Variants in FOXO3 observed in about 807,000 individuals in gnomAD.
FOXO3 encodes the protein forkhead box protein O3.
A neutral mutation model predicts 41.9 loss-of-function variants in FOXO3; 4 were observed. The ratio of observed to expected loss-of-function variants is 0.10; its 90% CI spans 0.05 to 0.22. The LOEUF (loss-of-function observed/expected upper bound fraction) is 0.22. FOXO3 is among the 10% of genes least tolerant of loss of function. FOXO3 has a pLI of 1.00. For synonymous variants in FOXO3, 318 were observed against 389.3 expected (o/e 0.82, Z 2.16); for missense variants, 534 against 906.8 (o/e 0.59, Z 5.28).
At position 108,682,458 on chromosome 6, in the gene FOXO3, C is replaced by G. The variant is rs1770899301; in HGVS notation, c.*2666C>G. ...GTAGAGTGTTGTGGAGAGCTGAGAC[C>G]AGGGTAAAGTCAAGTGCAGCATCAG... On this transcript the variant is annotated 3_prime_UTR_variant, in exon 3 of 3. Transcript: ENST00000406360. 6.6e-6 allele frequency: 1 copy of G among 152,242 alleles called. No homozygotes were observed. The highest frequency in any genetic ancestry group is 2.1e-4 in the South Asian group (1 of 4,832). The allele number at this position is 152,242 out of a possible 1,614,324, so 9.4% of individuals were successfully genotyped here.
intron 1 of FOXO3, among the ~76,000 whole-genome samples, chr6:108,572,797 A>G (rs1426917095): frequency 6.6e-6 from 1 of 152,148 alleles, no homozygotes; most frequent in Non-Finnish European, 1.5e-5. Flanking sequence ...TAGGTTTTTT[A>G]TGTCTAATAT....
chr6:108,665,491 A>G (rs1014940513), intron 2 of FOXO3, among the ~76,000 whole-genome samples: 1 of 152,190 alleles, frequency 6.6e-6, no homozygotes, highest in African/African-American at 2.4e-5. Context: ...CTTAGTACTA[A>G]GCATCTTTAT....
chr6:108,577,725 T>C (rs1776300195), intron 1 of FOXO3, among the ~76,000 whole-genome samples: 1 of 152,244 alleles, frequency 6.6e-6, no homozygotes, highest in African/African-American at 2.4e-5. Flanking sequence ...GTGGAAGTTA[T>C]CAGCTATTTT....
intron 1 of FOXO3, among the ~76,000 whole-genome samples, chr6:108,586,164 G>A (rs893031153): frequency 3.3e-5 from 5 of 152,222 alleles, no homozygotes; most frequent in African/African-American, 1.2e-4. Context: ...AGTATTAAGA[G>A]ATGAAGCCTG....
chr6:108,652,121 C>CTCAAGCCACA (rs1184946947), intron 1 of FOXO3, among the ~76,000 whole-genome samples: 2 of 152,210 alleles, frequency 1.3e-5, no homozygotes, highest in African/African-American at 4.8e-5. Flanking sequence ...GTGATATTGG[C>CTCAAGCCACA]TTGACGTAGT....
rs1777085352 is a variant in FOXO3 at position 108,602,665 on chromosome 6, A to T, written c.621+40836A>T. 2.0e-5 allele frequency among the ~76,000 whole-genome samples: 3 copies of T among 152,350 alleles called. No homozygotes were observed. In the East Asian group the frequency reaches 5.8e-4, roughly 29 times the overall value. On this transcript the variant is annotated intron_variant, in intron 1 of 2. Transcript: ENST00000406360. ...TAGCATTAAAACCAAACCAAAAAAA[A>T]AAACCTTTTATTATTAACAAAGGTT...
intron 1 of FOXO3, among the ~76,000 whole-genome samples, chr6:108,590,838 G>A (rs536151810): frequency 6.6e-6 from 1 of 152,174 alleles, no homozygotes; most frequent in Non-Finnish European, 1.5e-5. Flanking sequence ...TTAGTATTGG[G>A]ATTGTGGCGC....
At chr6:108,629,474 G>C (rs1298431024) in intron 1 of FOXO3, among the ~76,000 whole-genome samples, 1 of 152,042 alleles carries the variant, frequency 6.6e-6, no homozygotes, top group Non-Finnish European at 1.5e-5. Context: ...GAGGTTTTTT[G>C]TTTGCTATTT....
At chr6:108,562,995 AT>A (rs397941170) in intron 1 of FOXO3, among the ~76,000 whole-genome samples, 2,454 of 151,478 alleles carry the variant, frequency 0.016, 66 homozygotes, top group African/African-American at 0.056. Context: ...TTTAGCTTAG[AT>A]TTTTTTTTGT....
At chr6:108,586,759 G>T (rs1776589454) in intron 1 of FOXO3, among the ~76,000 whole-genome samples, 1 of 151,898 alleles carries the variant, frequency 6.6e-6, no homozygotes, top group Non-Finnish European at 1.5e-5. Context: ...AGACCAGGGG[G>T]CTGGTATGTA....
chr6:108,633,218 TATAA>T (rs1338252601), intron 1 of FOXO3, among the ~76,000 whole-genome samples: 1 of 152,156 alleles, frequency 6.6e-6, no homozygotes, highest in African/African-American at 2.4e-5. Flanking sequence ...TATTCTCATT[TATAA>T]ATTAGAAGTA....
intron 1 of FOXO3, among the ~76,000 whole-genome samples, chr6:108,636,371 T>C (rs1778120913): frequency 1.3e-5 from 2 of 152,112 alleles, no homozygotes; most frequent in Non-Finnish European, 2.9e-5. Flanking sequence ...GAGATCACTG[T>C]TTCGTATGCT....
chr6:108,647,754 A>G (rs977424621), intron 1 of FOXO3, among the ~76,000 whole-genome samples: 4 of 152,156 alleles, frequency 2.6e-5, no homozygotes, highest in Admixed American at 2.0e-4. Flanking sequence ...GAAAATACCA[A>G]TTTCCTCTTT....
intron 1 of FOXO3, among the ~76,000 whole-genome samples, chr6:108,603,870 C>T (rs1777119185): frequency 6.6e-6 from 1 of 152,012 alleles, no homozygotes; most frequent in Non-Finnish European, 1.5e-5. Flanking sequence ...ATAAAAATTT[C>T]CCAGCATGGT....
Position 108,613,464 on chromosome 6 carries a change from G to A in FOXO3, c.622-49991G>A, listed in dbSNP as rs181016707. On this transcript the variant is annotated intron_variant, in intron 1 of 2. Transcript: ENST00000406360. ...CTTCTTGAATGAGTTTTGGTAGTCT[G>A]TGTCTTTTAAGGAATTTGCCCATTT... Among the ~76,000 whole-genome samples, 441 of 152,226 alleles carry A rather than the reference G, an allele frequency of 2.9e-3. 10 individuals are homozygous for A. Among genetic ancestry groups the A allele is most frequent in the East Asian group, 3.3e-3 (17 of 5,184 alleles).
intron 1 of FOXO3, among the ~76,000 whole-genome samples, chr6:108,645,261 A>T (rs753715938): frequency 4.9e-4 from 74 of 152,198 alleles, no homozygotes; most frequent in Non-Finnish European, 3.1e-4. Flanking sequence ...CTGGCTGTTG[A>T]TGTTATTTTC....
At chr6:108,679,361 A>G (rs1770756174) in intron 2 of FOXO3, among the ~76,000 whole-genome samples, 2 of 152,142 alleles carry the variant, frequency 1.3e-5, no homozygotes, top group Non-Finnish European at 2.9e-5. Flanking sequence ...GTTAGTCCAC[A>G]TAGCCAGTAG....
At chr6:108,665,812 GAAAAAAAA>G (rs34062396) in intron 2 of FOXO3, among the ~76,000 whole-genome samples, 1 of 125,432 alleles carries the variant, frequency 8.0e-6, no homozygotes, top group Non-Finnish European at 1.6e-5. Context: ...CTATCTCTTA[GAAAAAAAA>G]AAAAAAAAAG....
rs142871479 is a variant in FOXO3, at chr6:108,582,118, C to T, written c.621+20289C>T. Among the ~76,000 whole-genome samples, 274 of 152,276 alleles carry T rather than the reference C, an allele frequency of 1.8e-3. 2 individuals are homozygous for T. The highest frequency in any genetic ancestry group is 2.4e-3 in the Non-Finnish European group (160 of 68,018). ...TGTCATATAGGGACAACGTATTTTTCCTGCACTCCTAACCCTCACAGGAAT... is the reference window on the plus strand; with the variant it reads ...TGTCATATAGGGACAACGTATTTTTTCTGCACTCCTAACCCTCACAGGAAT... On this transcript the variant is annotated intron_variant, in intron 1 of 2. Coordinates refer to ENST00000406360, the MANE Select transcript of FOXO3 (RefSeq NM_001455.4).
Sources: allele counts gnomAD v4.1 joint callset (sites outside exome capture counted in the v4.1 genomes callset), GRCh38; gene constraint gnomAD v4.1.1; transcripts MANE v1.5; gene names NCBI Gene and HGNC (gene_info 2026-07-23, HGNC 2026-07-21).